Variants in SORCS2 observed in about 807,000 individuals in gnomAD.
SORCS2 encodes sortilin related VPS10 domain containing receptor 2.
A neutral mutation model predicts 141.6 loss-of-function variants in SORCS2; 100 were observed. That is an observed-to-expected ratio of 0.71 (90% CI 0.60 to 0.83). The LOEUF (loss-of-function observed/expected upper bound fraction) is 0.83. SORCS2 is among the 40% of genes least tolerant of loss of function. The probability of loss-of-function intolerance (pLI) is 0.00; values close to 1 mark genes in which losing one functional copy is unlikely to be tolerated. For synonymous variants in SORCS2, 789 were observed against 676.9 expected (o/e 1.17, Z -2.57); for missense variants, 1,646 against 1,560.2 (o/e 1.05, Z -0.93).
intron 10 of SORCS2, among the ~76,000 whole-genome samples, chr4:7,685,688 A>AATAAATATATATATATATATAT (rs1723830717): frequency 1.3e-5 from 2 of 149,602 alleles, no homozygotes; most frequent in African/African-American, 5.0e-5. Flanking sequence ...AAAATAAATA[A>AATAAATATATATATATATATAT]ATATATATAT....
intron 1 of SORCS2, among the ~76,000 whole-genome samples, chr4:7,300,060 C>A (rs1212692958): frequency 6.6e-6 from 1 of 152,158 alleles, no homozygotes; most frequent in Non-Finnish European, 1.5e-5. Context: ...AGAATCAGGA[C>A]GAGAGAGGAT....
At chr4:7,640,061 G>C (rs1042553143) in intron 4 of SORCS2, among the ~76,000 whole-genome samples, 4 of 151,204 alleles carry the variant, frequency 2.6e-5, no homozygotes, top group African/African-American at 7.3e-5. Context: ...GTGAGTGTGT[G>C]TGTTTATGAG....
At chr4:7,484,964 C>T (rs528536770) in intron 2 of SORCS2, among the ~76,000 whole-genome samples, 1 of 11,196 alleles carries the variant, frequency 8.9e-5, no homozygotes, top group South Asian at 0.017. Flanking sequence ...CTGTGCGTTG[C>T]CTGCTGTCCC....
At chr4:7,415,032 G>A (rs1363745424) in intron 2 of SORCS2, among the ~76,000 whole-genome samples, 1 of 152,180 alleles carries the variant, frequency 6.6e-6, no homozygotes, top group Non-Finnish European at 1.5e-5. Flanking sequence ...GCAAGGCTAG[G>A]TGATTAAAGA....
intron 3 of SORCS2, among the ~76,000 whole-genome samples, chr4:7,612,654 G>A (rs1718489640): frequency 6.6e-6 from 1 of 152,218 alleles, no homozygotes; most frequent in African/African-American, 2.4e-5. Context: ...CTTGCCACCT[G>A]CCTCAGCCTT....
intron 2 of SORCS2, chr4:7,433,911 G>T (rs370464084): frequency 1.2e-6 from 2 of 1,613,756 alleles, no homozygotes; most frequent in Admixed American, 3.3e-5. Context: ...CCGAGCACAC[G>T]CGCTCCAGGG....
At chr4:7,475,465 C>T (rs928047372) in intron 2 of SORCS2, among the ~76,000 whole-genome samples, 4 of 152,192 alleles carry the variant, frequency 2.6e-5, no homozygotes, top group African/African-American at 9.6e-5. Context: ...AGAAACCTCC[C>T]TGTGCAGCAG....
chr4:7,600,452 G>A lies in SORCS2; in HGVS notation c.649-37876G>A, dbSNP rs558354513. ...AACAGCACCGTCCCCACCCAAGCCC[G>A]CTGTGCTCTGCGTGGATGTTGATCG... is the stretch of plus-strand genomic sequence containing the variant. On this transcript the variant is annotated intron_variant, in intron 3 of 26. Coordinates refer to ENST00000507866, the MANE Select transcript of SORCS2 (RefSeq NM_020777.3). Among the ~76,000 whole-genome samples, 228 of 152,224 alleles carry A rather than the reference G, an allele frequency of 1.5e-3. 1 individual carries two copies. The highest frequency in any genetic ancestry group is 5.1e-3 in the African/African-American group (213 of 41,538).
intron 8 of SORCS2, among the ~76,000 whole-genome samples, chr4:7,674,079 T>C (rs1013177198): frequency 6.6e-6 from 1 of 152,050 alleles, no homozygotes; most frequent in Non-Finnish European, 1.5e-5. Context: ...GCACTTCACA[T>C]GCCTCCGTGG....
At chr4:7,396,376 G>A in intron 2 of SORCS2, 21 bp downstream of exon 2, 1 of 1,613,180 alleles carries the variant, frequency 6.2e-7, no homozygotes, top group African/African-American at 1.3e-5. Flanking sequence ...CCGATGGCAG[G>A]CCTTTCTCTT....
chr4:7,721,001 T>C (rs2079168), intron 18 of SORCS2, among the ~76,000 whole-genome samples: 2 of 152,008 alleles, frequency 1.3e-5, no homozygotes, highest in East Asian at 3.9e-4. Context: ...CATATCAGAG[T>C]AATGAAGACT....
At chr4:7,467,584 G>A (rs1473664557) in intron 2 of SORCS2, among the ~76,000 whole-genome samples, 1 of 152,180 alleles carries the variant, frequency 6.6e-6, no homozygotes, top group Non-Finnish European at 1.5e-5. Context: ...CTTGGAGGCT[G>A]CCTGCTGCTC....
rs1290480447 is a variant in SORCS2, at chr4:7,723,804, C to T, written c.2532C>T (p.Ser844=). The change falls in exon 19 of 27, where the codon AGC becomes AGT. Residue 844 remains serine, a synonymous_variant. Transcript: ENST00000507866. ...AGCCCATCCGGCACCGCTACGAGAG[C>T]CCCGGCATCTACCGCGTGTCCGTCA... The part of the protein sequence containing the change: ...TGEPIRHRYE[S]PGIYRVSVRA... 1 of 1,613,790 alleles carries T rather than the reference C, an allele frequency of 6.2e-7. No individual in the cohort carries two copies. Among genetic ancestry groups the T allele is most frequent in the East Asian group, 2.2e-5 (1 of 44,890 alleles).
intron 25 of SORCS2, among the ~76,000 whole-genome samples, chr4:7,736,249 T>G (rs562765199): frequency 6.6e-6 from 1 of 152,284 alleles, no homozygotes; most frequent in East Asian, 1.9e-4. Context: ...CTCTCAAGGC[T>G]CTAGACTGAG....
At chr4:7,365,122 G>C (rs576633788) in intron 1 of SORCS2, among the ~76,000 whole-genome samples, 3 of 152,256 alleles carry the variant, frequency 2.0e-5, no homozygotes, top group Non-Finnish European at 4.4e-5. Flanking sequence ...TATTGTTAGA[G>C]AGCTGAGTGG....
chr4:7,728,625 TG>T (rs1415749788), intron 22 of SORCS2, among the ~76,000 whole-genome samples, 163 bp downstream of exon 22: 1 of 152,044 alleles, frequency 6.6e-6, no homozygotes, highest in Non-Finnish European at 1.5e-5. Context: ...AAGCTATGGA[TG>T]GGGGGCAGGC....
intron 2 of SORCS2, among the ~76,000 whole-genome samples, chr4:7,411,992 T>G (rs4285086): frequency 6.6e-6 from 1 of 152,226 alleles, no homozygotes; most frequent in Admixed American, 6.5e-5. Flanking sequence ...ATCCCTAGCA[T>G]GTATGCTGCC....
intron 1 of SORCS2, among the ~76,000 whole-genome samples, chr4:7,216,917 T>C (rs139346084): frequency 2.2e-4 from 34 of 152,194 alleles, no homozygotes; most frequent in Admixed American, 5.9e-4. Flanking sequence ...AGAAGCGGAG[T>C]GACTCTTCCA....
intron 1 of SORCS2, among the ~76,000 whole-genome samples, chr4:7,360,299 G>A (rs1721503601): frequency 1.3e-5 from 2 of 152,286 alleles, no homozygotes; most frequent in Admixed American, 6.5e-5. Flanking sequence ...GAGAGGTGAG[G>A]TGACATGCCC....
Sources: allele counts gnomAD v4.1 joint callset (sites outside exome capture counted in the v4.1 genomes callset), GRCh38; gene constraint gnomAD v4.1.1; transcripts MANE v1.5; gene names NCBI Gene and HGNC (gene_info 2026-07-23, HGNC 2026-07-21).